The following PPP2R3B variants were observed in gnomAD, a reference collection of about 807,000 sequenced individuals.
The protein encoded by PPP2R3B is protein phosphatase 2 regulatory subunit B''beta.
Under a neutral mutation model 72.9 loss-of-function variants are expected in PPP2R3B, and 68 were observed. The observed-to-expected ratio is 0.93, with a 90% confidence interval of 0.77 to 1.14. The LOEUF is 1.14. Ranked by LOEUF, PPP2R3B falls within the 50% of genes most tolerant of loss-of-function variation. The pLI, the probability that PPP2R3B is intolerant of heterozygous loss-of-function variation, is 0.00. For missense variants in PPP2R3B, 1,018 were observed against 842.0 expected, an observed-to-expected ratio of 1.21 and a Z score of -2.59; for synonymous variants, 466 against 375.8, an observed-to-expected ratio of 1.24 and a Z score of -2.78.
chrX:383,912 G>A (rs1001007700), intron 1 of PPP2R3B, among the ~76,000 whole-genome samples: 12 of 149,480 alleles, frequency 8.0e-5, no homozygotes, highest in African/African-American at 3.0e-4. Flanking sequence ...ATGACTGGAT[G>A]GGAGTTTGGA....
chrX:337,799 C>CTGAGG (rs1290917258), intron 12 of PPP2R3B: 4 of 152,454 alleles, frequency 2.6e-5, no homozygotes, highest in Non-Finnish European at 5.9e-5. Context: ...AGTCACGACG[C>CTGAGG]CGAGGCAACG....
intron 2 of PPP2R3B, among the ~76,000 whole-genome samples, chrX:355,001 C>CT (rs1287135998): frequency 5.3e-5 from 8 of 152,230 alleles, no homozygotes; most frequent in African/African-American, 1.7e-4. Flanking sequence ...TCCAGCACTG[C>CT]ACTGGCAGGC....
intron 4 of PPP2R3B, among the ~76,000 whole-genome samples, 165 bp downstream of exon 4, chrX:347,069 G>A (rs1325351645): frequency 2.0e-5 from 3 of 148,290 alleles, no homozygotes; most frequent in Non-Finnish European, 3.0e-5. Context: ...GATGAGGCAT[G>A]TGGTGTAGAC....
chrX:341,834 G>A (rs2071085178), intron 8 of PPP2R3B, 49 bp downstream of exon 8: 1 of 1,597,228 alleles, frequency 6.3e-7, no homozygotes, highest in Non-Finnish European at 8.6e-7. Flanking sequence ...GAGGGACCGG[G>A]GTCCTCGCAG....
chrX:355,128 AG>A (rs59782205), intron 2 of PPP2R3B, among the ~76,000 whole-genome samples: 44,272 of 152,046 alleles, frequency 0.29, 6,949 homozygotes, highest in East Asian at 0.38. Context: ...CCGGACTTAA[AG>A]GTTGAGCTGG....
intron 10 of PPP2R3B, among the ~76,000 whole-genome samples, chrX:339,272 C>CCGG (rs1556105516): frequency 1.5e-5 from 2 of 134,416 alleles, no homozygotes; most frequent in Admixed American, 7.4e-5. Flanking sequence ...GCCCCATGGC[C>CCGG]GGGGGGGGCA....
intron 2 of PPP2R3B, among the ~76,000 whole-genome samples, chrX:359,525 CTG>C (rs2071500993): frequency 6.6e-6 from 1 of 152,182 alleles, no homozygotes; most frequent in Non-Finnish European, 1.5e-5. Flanking sequence ...TTGCAACCGA[CTG>C]TAAGAAAGTT....
In PPP2R3B at chrX:364,782, CTG is replaced by C. The variant is rs2071665910; in HGVS notation, c.325-3194_325-3193del. ...CCTGTACTCCCAGCTACTCGGGAGG[CTG>C]AGGCAGGAGAATCGCTTCAACACAG... On this transcript the variant is annotated intron_variant, in intron 1 of 12. Coordinates refer to ENST00000390665, the MANE Select transcript of PPP2R3B (RefSeq NM_013239.5). 2.7e-5 allele frequency among the ~76,000 whole-genome samples: 2 copies of C among 73,602 alleles called. 1 individual carries two copies. Among genetic ancestry groups the C allele is most frequent in the East Asian group, 1.5e-3 (2 of 1,360 alleles). The allele number at this position is 73,602 out of a possible 152,430, so 48.3% of individuals were successfully genotyped here. A position where few individuals can be genotyped will look rare whatever the true frequency, so the allele number is the denominator to read the frequency against.
At chrX:346,919 T>TCTACACC in intron 4 of PPP2R3B, 144 bp from the exon 5 acceptor site, 1 of 794,898 alleles carries the variant, frequency 1.3e-6, no homozygotes, top group Non-Finnish European at 2.0e-6. Context: ...GGATGAGGCG[T>TCTACACC]ATGGTGTAGA....
At position 374,809 on chromosome X, in the gene PPP2R3B, T is replaced by C. The variant is rs142535108; in HGVS notation, c.324+11559A>G. On this transcript the variant is annotated intron_variant, in intron 1 of 12. Transcript: ENST00000390665. ...GGCTCTCCCGCTGCCGCACGCTCTG[T>C]TGAGTCTGGAAAAACGCAGGATGAC... 4.8e-3 allele frequency among the ~76,000 whole-genome samples: 726 copies of C among 152,206 alleles called. 10 individuals carry two copies. Among genetic ancestry groups the C allele is most frequent in the African/African-American group, 0.016 (679 of 41,544 alleles).
intron 1 of PPP2R3B, among the ~76,000 whole-genome samples, chrX:367,130 G>A (rs1471440115): frequency 6.6e-6 from 1 of 152,120 alleles, no homozygotes; most frequent in Non-Finnish European, 1.5e-5. Context: ...CTGAGGAAAT[G>A]CAGCAGGGAG....
At chrX:362,922 C>T (rs1450521583) in intron 1 of PPP2R3B, among the ~76,000 whole-genome samples, 1 of 152,064 alleles carries the variant, frequency 6.6e-6, no homozygotes, top group African/African-American at 2.4e-5. Flanking sequence ...CTGTCCCCAC[C>T]CTGCTACTCC....
At chrX:339,020 C>T in intron 10 of PPP2R3B, 124 bp from the exon 11 acceptor site, 1 of 815,082 alleles carries the variant, frequency 1.2e-6, no homozygotes, top group Non-Finnish European at 2.1e-6. Context: ...GGCTCTCACG[C>T]CACGTGTTTG....
At chrX:386,295 A>T in intron 1 of PPP2R3B, 73 bp downstream of exon 1, 1 of 1,224,152 alleles carries the variant, frequency 8.2e-7, no homozygotes, top group Non-Finnish European at 1.0e-6. Flanking sequence ...ACCAGCCTCC[A>T]TCGCGCAGCC....
chrX:350,873 C>T (rs192098008), intron 2 of PPP2R3B, among the ~76,000 whole-genome samples: 68 of 152,290 alleles, frequency 4.5e-4, no homozygotes, highest in East Asian at 2.1e-3. Context: ...GGCCCGTGCC[C>T]GTGAGAGCCT....
chrX:334,627 CCT>C lies in PPP2R3B; in HGVS notation c.1578-112_1578-111del, dbSNP rs1334374538. ...GCCAACCTCCAGCACGAGACAGTCC[CCT>C]GAGCCGACCTTGAGCTCCAGCCGCT... On this transcript the variant is annotated intron_variant, in intron 12 of 12. Coordinates refer to ENST00000390665, the MANE Select transcript of PPP2R3B (RefSeq NM_013239.5). The C allele has an allele frequency of 3.5e-5, 43 of 1,228,588 alleles. No homozygotes were observed. The Admixed American group carries it at 3.6e-4, about 10-fold the overall frequency. The allele number at this position is 1,228,588 out of a possible 1,614,324, so 76.1% of individuals were successfully genotyped here. A position where few individuals can be genotyped will look rare whatever the true frequency, so the allele number is the denominator to read the frequency against.
Position 334,348 on chromosome X carries a change from G to T in PPP2R3B, c.*19C>A. On this transcript the variant is annotated 3_prime_UTR_variant, in exon 13 of 13. Coordinates refer to ENST00000390665, the MANE Select transcript of PPP2R3B (RefSeq NM_013239.5). ...GGCACGTGGGGAGCGGCCCCGCGGC[G>T]GCGTTCTCGCGGGCGGCGTCACAGC... The T allele has an allele frequency of 1.4e-6, 2 of 1,458,084 alleles. No homozygotes were observed. The highest frequency in any genetic ancestry group is 5.2e-5 in the Admixed American group (2 of 38,296). The allele number at this position is 1,458,084 out of a possible 1,614,324, so 90.3% of individuals were successfully genotyped here.
intron 2 of PPP2R3B, among the ~76,000 whole-genome samples, chrX:355,752 ATT>A (rs2071422251): frequency 6.6e-6 from 1 of 152,232 alleles, no homozygotes; most frequent in Non-Finnish European, 1.5e-5. Context: ...TTTACATAAA[ATT>A]CCAGAAAATT....
At chrX:367,271 A>T (rs2071740378) in intron 1 of PPP2R3B, among the ~76,000 whole-genome samples, 1 of 152,158 alleles carries the variant, frequency 6.6e-6, no homozygotes. Context: ...CAATTTAAAA[A>T]ACATAAATCA....
Sources: allele counts gnomAD v4.1 joint callset (sites outside exome capture counted in the v4.1 genomes callset), GRCh38; gene constraint gnomAD v4.1.1; transcripts MANE v1.5; gene names NCBI Gene and HGNC (gene_info 2026-07-23, HGNC 2026-07-21).